The following KIF17 variants were observed in gnomAD, a reference collection of about 807,000 sequenced individuals.
KIF17 encodes kinesin-like protein KIF17.
A neutral mutation model predicts 96.8 loss-of-function variants in KIF17; 80 were observed. The ratio of observed to expected loss-of-function variants is 0.83; its 90% CI spans 0.69 to 1.00. The LOEUF (loss-of-function observed/expected upper bound fraction) is 1.00, where lower values mean the gene tolerates loss of function less well. KIF17 is among the 50% of genes least tolerant of loss of function. KIF17 has a pLI of 0.00. For synonymous variants in KIF17, 567 were observed against 587.5 expected, an observed-to-expected ratio of 0.97 and a Z score of 0.51; for missense variants, 1,280 against 1,372.9, an observed-to-expected ratio of 0.93 and a Z score of 1.07.
intron 4 of KIF17, among the ~76,000 whole-genome samples, chr1:20,708,484 A>C (rs1209304126): frequency 6.6e-6 from 1 of 152,208 alleles, no homozygotes; most frequent in African/African-American, 2.4e-5. Flanking sequence ...TCCCTGGGTC[A>C]GGGATCTCTC....
chr1:20,664,458 G>C lies in KIF17; in HGVS notation c.*126C>G, dbSNP rs2053488784. 1.3e-6 allele frequency: 2 copies of C among 1,587,978 alleles called. No individual in the cohort carries two copies. Among genetic ancestry groups the C allele is most frequent in the Non-Finnish European group, 1.7e-6 (2 of 1,170,286 alleles). On this transcript the variant is annotated 3_prime_UTR_variant, in exon 15 of 15. Coordinates refer to ENST00000400463, the MANE Select transcript of KIF17 (RefSeq NM_001122819.3). ...CAGGGAAGGGAATGTGTCTTCCCAG[G>C]GCTGAGGGAGCCCTCAGGCCCCGGA...
chr1:20,717,819 AGGCAGGGGCGG>A lies in KIF17; in HGVS notation c.-124_-114del. 8.6e-7 allele frequency: 1 copy of A among 1,166,894 alleles called. No homozygotes were observed. Among genetic ancestry groups the A allele is most frequent in the Non-Finnish European group, 1.1e-6 (1 of 921,800 alleles). 72.3% of individuals were successfully genotyped at this position (1,166,894 alleles called of 1,614,324 possible). ...GCCGGCCACGGGGGGCGGGGCCTTGAGGCAGGGGCGGGGCCGCGGCGGGGGGCGGGGACCCC... is the reference window on the plus strand; with the variant it reads ...GCCGGCCACGGGGGGCGGGGCCTTGAGGCCGCGGCGGGGGGCGGGGACCCC... On this transcript the variant is annotated 5_prime_UTR_variant, in exon 1 of 15. Transcript: ENST00000400463.
At chr1:20,683,979 G>A (rs555515615) in intron 10 of KIF17, among the ~76,000 whole-genome samples, 21 of 152,374 alleles carry the variant, frequency 1.4e-4, no homozygotes, top group Admixed American at 4.6e-4. Context: ...AGTGTTTACT[G>A]CGTGCCCAGC....
intron 6 of KIF17, chr1:20,692,588 A>C (rs2054059039): frequency 6.6e-6 from 1 of 151,854 alleles, no homozygotes; most frequent in Non-Finnish European, 1.5e-5. Context: ...GGCGTGAGCC[A>C]CTGTGCCCGG....
In KIF17 at chr1:20,698,388, C is replaced by G. The variant is rs766623487; in HGVS notation, c.1224G>C (p.Leu408=). The G allele has an allele frequency of 2.5e-6, 4 of 1,613,150 alleles. No homozygotes were observed. In the South Asian group the frequency reaches 4.4e-5, roughly 18 times the overall value. ...CCCGCTTGGGTCTCACCTCCCGGATCAGCTGCTTCTCGGCCTCCACGTCAT... is the reference window on the plus strand; with the variant it reads ...CCCGCTTGGGTCTCACCTCCCGGATGAGCTGCTTCTCGGCCTCCACGTCAT... ...IQHDVEAEKQ[L]IREEYEERLA... Residue 408 remains leucine (L), a synonymous_variant, in exon 6 of 15, where the codon CTG becomes CTC. Transcript: ENST00000400463.
chr1:20,697,544 G>A (rs141428824), intron 6 of KIF17, among the ~76,000 whole-genome samples: 5 of 152,298 alleles, frequency 3.3e-5, no homozygotes, highest in Admixed American at 2.6e-4. Context: ...GAGTTTGAAG[G>A]TGCAGTGAGT....
At chr1:20,686,356 A>C in intron 8 of KIF17, 2 of 594,434 alleles carry the variant, frequency 3.4e-6, no homozygotes, top group Non-Finnish European at 6.1e-6. Flanking sequence ...GCTGTGTGCC[A>C]GGAGCGTTGC....
intron 13 of KIF17, among the ~76,000 whole-genome samples, chr1:20,667,855 A>G (rs1187121337): frequency 6.6e-6 from 1 of 152,156 alleles, no homozygotes; most frequent in African/African-American, 2.4e-5. Flanking sequence ...TAAAAATGCA[A>G]AAAAATTAGC....
intron 4 of KIF17, among the ~76,000 whole-genome samples, chr1:20,708,996 C>T (rs975467425): frequency 6.6e-6 from 1 of 152,176 alleles, no homozygotes; most frequent in Non-Finnish European, 1.5e-5. Flanking sequence ...ACACTAGTTC[C>T]TAGTTGTGTG....
intron 11 of KIF17, among the ~76,000 whole-genome samples, chr1:20,678,640 C>T (rs1456780965): frequency 6.6e-6 from 1 of 152,094 alleles, no homozygotes; most frequent in Non-Finnish European, 1.5e-5. Flanking sequence ...CAGCAGACAG[C>T]CCCGGAGCCA....
chr1:20,683,702 A>G (rs549548280), intron 10 of KIF17, among the ~76,000 whole-genome samples: 1 of 151,984 alleles, frequency 6.6e-6, no homozygotes, highest in East Asian at 1.9e-4. Context: ...CTCCATCAGG[A>G]TGGAGCCCAA....
chr1:20,666,447 T>C (rs1034008390), intron 13 of KIF17, 116 bp from the exon 14 acceptor site: 1 of 841,982 alleles, frequency 1.2e-6, no homozygotes, highest in Non-Finnish European at 2.1e-6. Flanking sequence ...CCCGAAGTTG[T>C]CACAGGGCTG....
At chr1:20,662,286 T>C (rs1167312059), downstream of KIF17, among the ~76,000 whole-genome samples, 1 of 152,194 alleles carries the variant, frequency 6.6e-6, no homozygotes, top group Non-Finnish European at 1.5e-5. Flanking sequence ...ATCTCAGACC[T>C]GCCTTTGTCC....
rs146596302 is a variant in KIF17 at position 20,699,528 on chromosome 1, T to C, written c.1124-1040A>G. ...TTGCAGTGAGCTGAGATGGCGCCAC[T>C]GCACTCCAGCCTGGGCGAAAGAGCA... On this transcript the variant is annotated intron_variant, in intron 5 of 14. Transcript: ENST00000400463. This position sits in a 1 kb window ranked among gnomAD's most constrained non-coding sequence, Gnocchi z 4.3. Among the ~76,000 whole-genome samples the C allele has an allele frequency of 2.0e-5, 3 of 152,334 alleles. No individual in the cohort carries two copies. The highest frequency in any genetic ancestry group is 1.9e-4 in the East Asian group (1 of 5,180).
chr1:20,712,317 G>C (rs1361307514), intron 3 of KIF17, among the ~76,000 whole-genome samples: 7 of 151,690 alleles, frequency 4.6e-5, no homozygotes, highest in Admixed American at 2.0e-4. Flanking sequence ...TTCCCTGTCT[G>C]GGGGCTGAGC....
chr1:20,690,654 C>T (rs991453099), intron 6 of KIF17, among the ~76,000 whole-genome samples: 9 of 151,232 alleles, frequency 6.0e-5, no homozygotes, highest in African/African-American at 2.2e-4. Context: ...TCCCAAATAG[C>T]TGGGACTATG....
chr1:20,702,301 C>T (rs1291401309), intron 5 of KIF17, among the ~76,000 whole-genome samples: 1 of 152,116 alleles, frequency 6.6e-6, no homozygotes, highest in Non-Finnish European at 1.5e-5. Flanking sequence ...GCTGGCTGGG[C>T]TCCTTGCTCC....
Position 20,687,698 on chromosome 1 carries a change from G to A in KIF17, c.1628C>T (p.Ser543Leu), listed in dbSNP as rs140327262. 10 of 1,613,946 alleles carry A rather than the reference G, an allele frequency of 6.2e-6. No individual in the cohort carries two copies. The highest frequency in any genetic ancestry group is 1.3e-5 in the African/African-American group (1 of 74,928). The change falls in exon 8 of 15, where the codon TCG becomes TTG. Residue 543 changes from serine to leucine, a missense_variant. Physicochemically the swap from Ser to Leu is moderately radical, Grantham distance 145. Transcript: ENST00000400463. The surrounding 1 kb of genome is among the most constrained non-coding windows in gnomAD (Gnocchi z 4.4). ...EISLGSSESS[S>L]LEETSVSEAF... ...CTCGGACACAGAGGTTTCTTCGAGC[G>A]AGGATGACTCACTGGAGCCCAGAGA...
chr1:20,691,954 C>G (rs993868608), intron 6 of KIF17, among the ~76,000 whole-genome samples: 50 of 152,328 alleles, frequency 3.3e-4, no homozygotes, highest in African/African-American at 1.2e-3. Context: ...GCTATCACTG[C>G]CAGCTCTCGT....
Sources: gnomAD v4.1 joint callset for allele counts (sites outside exome capture counted in the v4.1 genomes callset) on GRCh38, gnomAD v4.1.1 for gene constraint, Gnocchi (gnomAD v3.1) non-coding constraint, MANE v1.5 for transcripts, NCBI Gene and HGNC (gene_info 2026-07-23, HGNC 2026-07-21) for gene names.